The following QSOX2 variants were observed in gnomAD, a reference collection of about 807,000 sequenced individuals.
QSOX2 encodes the protein quiescin sulfhydryl oxidase 2, also known as sulfhydryl oxidase 2.
QSOX2 carries 46 observed loss-of-function variants against 61.7 expected under a neutral mutation model. The observed-to-expected ratio is 0.75, with a 90% confidence interval of 0.59 to 0.95. The LOEUF (loss-of-function observed/expected upper bound fraction) is 0.95. Ranked by LOEUF, QSOX2 falls within the 40% of genes least tolerant of loss-of-function variation. The pLI, the probability that QSOX2 is intolerant of heterozygous loss-of-function variation, is 0.00. For synonymous variants in QSOX2, 383 were observed against 388.4 expected (o/e 0.99, Z 0.16); for missense variants, 879 against 918.9 (o/e 0.96, Z 0.56).
At position 136,209,432 on chromosome 9, in the gene QSOX2, C is replaced by T. The variant is rs985788779; in HGVS notation, c.1550-157G>A. On this transcript the variant is annotated intron_variant, in intron 11 of 11. Coordinates refer to ENST00000358701, the MANE Select transcript of QSOX2 (RefSeq NM_181701.4). The surrounding 1 kb of genome is among the most constrained non-coding windows in gnomAD (Gnocchi z 5.6). ...CTCCCTCCCTGCCCTTCCCACCACC[C>T]GTCCCTTGCAGTTCGGCCCAGATAA... The T allele has an allele frequency of 2.5e-5, 25 of 985,312 alleles. No homozygotes were observed. The highest frequency in any genetic ancestry group is 2.4e-4 in the African/African-American group (14 of 57,242). 61.0% of individuals were successfully genotyped at this position (985,312 alleles called of 1,614,324 possible).
intron 11 of QSOX2, 89 bp downstream of exon 11, chr9:136,211,175 G>T: frequency 7.2e-7 from 1 of 1,395,124 alleles, no homozygotes; most frequent in Non-Finnish European, 9.9e-7. Flanking sequence ...TCAGGGACAA[G>T]CCCCACGGCA....
At chr9:136,211,555 G>C in intron 10 of QSOX2, 103 bp from the exon 11 acceptor site, 3 of 1,177,118 alleles carry the variant, frequency 2.5e-6, no homozygotes, top group Non-Finnish European at 3.6e-6. Context: ...GACATGTCGG[G>C]AAGCCACCTC....
At chr9:136,220,104 T>C (rs1251617701) in intron 6 of QSOX2, among the ~76,000 whole-genome samples, 1 of 152,190 alleles carries the variant, frequency 6.6e-6, no homozygotes, top group Non-Finnish European at 1.5e-5. Flanking sequence ...CAATTTCAGC[T>C]CACTGCAGCC....
intron 1 of QSOX2, among the ~76,000 whole-genome samples, chr9:136,231,583 C>T (rs1830330229): frequency 6.6e-6 from 1 of 152,268 alleles, no homozygotes; most frequent in East Asian, 1.9e-4. Flanking sequence ...CATCCCCACA[C>T]ATAGGAGGCC....
intron 2 of QSOX2, among the ~76,000 whole-genome samples, chr9:136,225,503 G>T (rs1008181822): frequency 1.3e-5 from 2 of 152,264 alleles, no homozygotes; most frequent in Non-Finnish European, 2.9e-5. Context: ...CACAAAGCCA[G>T]ATGTGCTGGC....
intron 1 of QSOX2, among the ~76,000 whole-genome samples, chr9:136,238,826 C>T (rs752593291): frequency 1.3e-5 from 2 of 152,336 alleles, no homozygotes; most frequent in Admixed American, 6.5e-5. Context: ...TCAGGGACCT[C>T]GTGGTTGCCC....
chr9:136,211,688 C>T (rs1453807383), intron 10 of QSOX2, among the ~76,000 whole-genome samples: 8 of 152,198 alleles, frequency 5.3e-5, no homozygotes, highest in African/African-American at 1.7e-4. Flanking sequence ...GCCCAGAGGG[C>T]GGACATGCTC....
chr9:136,229,359 C>A (rs1188800584), intron 1 of QSOX2, among the ~76,000 whole-genome samples: 3 of 152,264 alleles, frequency 2.0e-5, no homozygotes, highest in Non-Finnish European at 4.4e-5. Context: ...CCGTGGGCAG[C>A]TCACGGGCGG....
chr9:136,235,906 ACT>A (rs1360495285), intron 1 of QSOX2, among the ~76,000 whole-genome samples: 1 of 151,928 alleles, frequency 6.6e-6, no homozygotes, highest in Non-Finnish European at 1.5e-5. Context: ...CATCAGCGAC[ACT>A]CTCTGGCCTC....
chr9:136,234,178 C>G (rs940804334), intron 1 of QSOX2, among the ~76,000 whole-genome samples: 1 of 152,226 alleles, frequency 6.6e-6, no homozygotes, highest in African/African-American at 2.4e-5. Context: ...AGGCCTACTT[C>G]TCTTTTGTGC....
At chr9:136,240,471 G>A (rs1464166974) in intron 1 of QSOX2, among the ~76,000 whole-genome samples, 2 of 152,194 alleles carry the variant, frequency 1.3e-5, no homozygotes, top group African/African-American at 2.4e-5. Context: ...AAGGGACAGA[G>A]GTCCACTGCA....
chr9:136,242,839 T>C (rs62579862), intron 1 of QSOX2, among the ~76,000 whole-genome samples: 8,405 of 152,302 alleles, frequency 0.055, 444 homozygotes, highest in African/African-American at 0.14. Context: ...ACCCGGACTC[T>C]ACCTCCCACA....
intron 3 of QSOX2, 32 bp from the exon 4 acceptor site, chr9:136,224,144 T>A (rs1432851096): frequency 2.2e-5 from 35 of 1,566,366 alleles, no homozygotes; most frequent in Admixed American, 3.4e-5. Flanking sequence ...CAGAGCTGTG[T>A]GTGCGGCTGT....
At position 136,222,090 on chromosome 9, in the gene QSOX2, C is replaced by T; in HGVS notation, c.676-149G>A. 1.3e-6 allele frequency: 1 copy of T among 754,772 alleles called. No individual in the cohort carries two copies. The highest frequency in any genetic ancestry group is 1.9e-6 in the Non-Finnish European group (1 of 519,920). 46.8% of individuals were successfully genotyped at this position (754,772 alleles called of 1,614,324 possible). On this transcript the variant is annotated intron_variant, in intron 5 of 11. Transcript: ENST00000358701. The surrounding 1 kb of genome is among the most constrained non-coding windows in gnomAD (Gnocchi z 6.9). ...GGCAAGACCCTCACTCAAATCTTCA[C>T]TCTCATTGCACTTTAAGGCAACTGA...
intron 8 of QSOX2, among the ~76,000 whole-genome samples, chr9:136,218,338 A>T (rs906225379): frequency 2.6e-5 from 4 of 152,082 alleles, no homozygotes; most frequent in Non-Finnish European, 4.4e-5. Flanking sequence ...GCCCCCGTGC[A>T]GCGCTCCTCT....
At chr9:136,217,445 G>A (rs1831927991) in intron 8 of QSOX2, among the ~76,000 whole-genome samples, 1 of 152,230 alleles carries the variant, frequency 6.6e-6, no homozygotes, top group African/African-American at 2.4e-5. Context: ...GAAGCTCACA[G>A]GTGGCGATGC....
chr9:136,233,152 C>T (rs551083391), intron 1 of QSOX2, among the ~76,000 whole-genome samples: 38 of 152,058 alleles, frequency 2.5e-4, no homozygotes, highest in Non-Finnish European at 4.7e-4. Context: ...GCTATAAAGC[C>T]GCTAACCCTG....
Position 136,211,239 on chromosome 9 carries a change from C to G in QSOX2, c.1549+25G>C, listed in dbSNP as rs765834890. ...AGGGCCTCCCTCCGCCCGTGCTGAG[C>G]CCCCCATGCCCAGGGGCTTCTCACC... is the stretch of plus-strand genomic sequence containing the variant. On this transcript the variant is annotated intron_variant, in intron 11 of 11. Coordinates refer to ENST00000358701, the MANE Select transcript of QSOX2 (RefSeq NM_181701.4). 1.9e-6 allele frequency: 3 copies of G among 1,609,100 alleles called. No homozygotes were observed. The South Asian group carries it at 3.3e-5, about 18-fold the overall frequency.
At chr9:136,225,047 C>T (rs182301306) in intron 2 of QSOX2, 138 bp from the exon 3 acceptor site, 135 of 585,902 alleles carry the variant, frequency 2.3e-4, no homozygotes, top group Middle Eastern at 5.6e-4. Context: ...TAATGACAAA[C>T]CACACGCTTC....
Sources: allele counts gnomAD v4.1 joint callset (sites outside exome capture counted in the v4.1 genomes callset), GRCh38; gene constraint gnomAD v4.1.1; non-coding constraint Gnocchi (gnomAD v3.1); transcripts MANE v1.5; gene names NCBI Gene and HGNC (gene_info 2026-07-23, HGNC 2026-07-21).